PTP4A3: variants seen among roughly 807,000 people sequenced by gnomAD.
PTP4A3 encodes the protein protein tyrosine phosphatase 4A3.
A neutral mutation model predicts 15.2 loss-of-function variants in PTP4A3; 9 were observed. The ratio of observed to expected loss-of-function variants is 0.59; its 90% CI spans 0.36 to 1.03. PTP4A3 has a LOEUF of 1.03. Ranked by LOEUF, PTP4A3 falls within the 50% of genes least tolerant of loss-of-function variation. PTP4A3 has a pLI of 0.02. For synonymous variants in PTP4A3, 95 were observed against 102.0 expected (o/e 0.93, Z 0.41); for missense variants, 234 against 252.1 (o/e 0.93, Z 0.49).
rs754545769 is a variant in PTP4A3, at chr8:141,425,135, G to A, written c.193G>A (p.Val65Ile). The A allele has an allele frequency of 5.1e-6, 8 of 1,568,638 alleles. No homozygotes were observed. Among genetic ancestry groups the A allele is most frequent in the Admixed American group, 1.7e-5 (1 of 58,544 alleles). ...KTPLEKDGIT[V>I]VDWPFDDGAP... ...GCCGCTGGAGAAGGATGGCATCACC[G>A]TTGTGGTGAGGCGCGCGCCACGGGG... The change falls in exon 3 of 6, where the codon GTT (valine) becomes ATT (isoleucine). Residue 65 changes from valine to isoleucine, a missense_variant. By Grantham distance (29) the Val-to-Ile change is conservative (BLOSUM62 3). Coordinates refer to ENST00000521578, the MANE Select transcript of PTP4A3 (RefSeq NM_032611.3). The surrounding 1 kb of genome is among the most constrained non-coding windows in gnomAD (Gnocchi z 4.2).
chr8:141,431,160 C>T lies in PTP4A3; in HGVS notation c.*116C>T, dbSNP rs1833857252. ...CAGGGGCTCCAGGCCTTGGCTGGCC[C>T]CACATCGCCTTTTCCTCCCCGACAC... On this transcript the variant is annotated 3_prime_UTR_variant, in exon 6 of 6. Coordinates refer to ENST00000521578, the MANE Select transcript of PTP4A3 (RefSeq NM_032611.3). 2 of 977,540 alleles carry T rather than the reference C, an allele frequency of 2.0e-6. No individual in the cohort carries two copies. Among genetic ancestry groups the T allele is most frequent in the African/African-American group, 1.6e-5 (1 of 60,892 alleles). The allele number at this position is 977,540 out of a possible 1,614,324, so 60.6% of individuals were successfully genotyped here. A position where few individuals can be genotyped will look rare whatever the true frequency, so the allele number is the denominator to read the frequency against.
chr8:141,418,338 C>T (rs1346633421), intron 1 of PTP4A3, among the ~76,000 whole-genome samples: 2 of 152,210 alleles, frequency 1.3e-5, no homozygotes, highest in Non-Finnish European at 2.9e-5. Flanking sequence ...GCTGTGCCAT[C>T]GGGAAGGAGG....
chr8:141,422,596 A>G (rs1273365956), intron 2 of PTP4A3, among the ~76,000 whole-genome samples: 1 of 151,828 alleles, frequency 6.6e-6, no homozygotes. Flanking sequence ...CTGGCGTGTG[A>G]TAGGAGGGAC....
intron 1 of PTP4A3, among the ~76,000 whole-genome samples, chr8:141,400,086 A>G (rs903000081): frequency 6.6e-6 from 1 of 152,110 alleles, no homozygotes; most frequent in African/African-American, 2.4e-5. Flanking sequence ...TTTTGTAGAG[A>G]TGGCATTTCA....
chr8:141,411,916 C>A (rs1227593207), intron 1 of PTP4A3, among the ~76,000 whole-genome samples: 1 of 152,226 alleles, frequency 6.6e-6, no homozygotes, highest in Non-Finnish European at 1.5e-5. Flanking sequence ...GTCTCAGCCT[C>A]TCAGAGCTCT....
At chr8:141,403,387 C>T (rs1320320061) in intron 1 of PTP4A3, among the ~76,000 whole-genome samples, 1 of 152,208 alleles carries the variant, frequency 6.6e-6, no homozygotes, top group Non-Finnish European at 1.5e-5. Flanking sequence ...GGGAGATGGC[C>T]TGGCTGGGCC....
At chr8:141,405,844 T>C (rs1424527251) in intron 1 of PTP4A3, among the ~76,000 whole-genome samples, 2 of 151,606 alleles carry the variant, frequency 1.3e-5, no homozygotes, top group Non-Finnish European at 2.9e-5. Flanking sequence ...CACCGGACGA[T>C]GTGGGGACAG....
At position 141,430,914 on chromosome 8, in the gene PTP4A3, C is replaced by T. The variant is rs746320654; in HGVS notation, c.405-13C>T. The T allele has an allele frequency of 1.1e-5, 18 of 1,611,334 alleles. No homozygotes were observed. The South Asian group carries it at 1.9e-4, about 17-fold the overall frequency. The stretch of plus-strand genomic sequence containing the variant: ...TCCTTGGATGATCTCTGTTCCTGTT[C>T]CCCTCTTCCCAGGAAGCGCCGCGGA... On this transcript the variant is annotated splice_polypyrimidine_tract_variant and intron_variant, in intron 5 of 5. Coordinates refer to ENST00000521578, the MANE Select transcript of PTP4A3 (RefSeq NM_032611.3).
intron 1 of PTP4A3, among the ~76,000 whole-genome samples, chr8:141,405,421 A>C (rs1832697631): frequency 6.6e-6 from 1 of 152,110 alleles, no homozygotes; most frequent in Non-Finnish European, 1.5e-5. Context: ...CCCCAAGACC[A>C]CCCAAGCAGT....
At position 141,431,283 on chromosome 8, in the gene PTP4A3, G is replaced by C; in HGVS notation, c.*239G>C. On this transcript the variant is annotated 3_prime_UTR_variant, in exon 6 of 6. Transcript: ENST00000521578. ...TCCGCCACTCCCTCTGGCGGCGCTG[G>C]CCGTGGCTCTGTCTCTCTGAGGTGG... The C allele has an allele frequency of 1.8e-6, 1 of 560,184 alleles. No homozygotes were observed. Among genetic ancestry groups the C allele is most frequent in the East Asian group, 3.0e-5 (1 of 33,264 alleles). 34.7% of individuals were successfully genotyped at this position (560,184 alleles called of 1,614,324 possible). A position where few individuals can be genotyped will look rare whatever the true frequency, so the allele number is the denominator to read the frequency against.
intron 1 of PTP4A3, among the ~76,000 whole-genome samples, chr8:141,399,898 A>T (rs1184653912): frequency 6.6e-6 from 1 of 152,168 alleles, no homozygotes; most frequent in East Asian, 1.9e-4. Flanking sequence ...AACGCTTCAA[A>T]CATGTAGTTA....
chr8:141,420,695 G>A (rs968210925), intron 1 of PTP4A3, among the ~76,000 whole-genome samples: 2 of 152,224 alleles, frequency 1.3e-5, no homozygotes, highest in Non-Finnish European at 1.5e-5. Flanking sequence ...GTTTATCCCC[G>A]AGCCTGGCTG....
chr8:141,415,611 C>T (rs1279358630), intron 1 of PTP4A3, among the ~76,000 whole-genome samples: 1 of 66,404 alleles, frequency 1.5e-5, no homozygotes, highest in Non-Finnish European at 3.3e-5. Flanking sequence ...GCCCTTTTGA[C>T]GTGCGCGGAG....
At chr8:141,401,900 C>T (rs1832600742) in intron 1 of PTP4A3, among the ~76,000 whole-genome samples, 1 of 152,202 alleles carries the variant, frequency 6.6e-6, no homozygotes, top group Non-Finnish European at 1.5e-5. Flanking sequence ...CCCAGCAGGG[C>T]CCAGTCCCAT....
At chr8:141,394,823 G>T (rs1479796599) in intron 1 of PTP4A3, among the ~76,000 whole-genome samples, 1 of 152,268 alleles carries the variant, frequency 6.6e-6, no homozygotes, top group Admixed American at 6.5e-5. Flanking sequence ...GGTGGGAGTG[G>T]CTGTGGGCTG....
rs758529093 is a variant in PTP4A3 at position 141,421,621 on chromosome 8, A to G, written c.-620A>G. On this transcript the variant is annotated 5_prime_UTR_variant, in exon 2 of 6. Transcript: ENST00000521578. ...CCGTACCCCGATGGGGTAACGTGAC[A>G]CAGGCCCCACACGTCAGAGGCCGCT... The G allele has an allele frequency of 2.0e-5, 3 of 152,634 alleles. No individual in the cohort carries two copies. The highest frequency in any genetic ancestry group is 4.8e-5 in the African/African-American group (2 of 41,464). The allele number at this position is 152,634 out of a possible 1,614,324, so 9.5% of individuals were successfully genotyped here. A position where few individuals can be genotyped will look rare whatever the true frequency, so the allele number is the denominator to read the frequency against.
chr8:141,410,919 C>T (rs371077264), intron 1 of PTP4A3, among the ~76,000 whole-genome samples: 2 of 152,114 alleles, frequency 1.3e-5, no homozygotes, highest in South Asian at 2.1e-4. Context: ...AGCTTTGAGC[C>T]GGGGTCACTG....
rs1464203230 is a variant in PTP4A3, at chr8:141,425,814, T to C, written c.198+674T>C. On this transcript the variant is annotated intron_variant, in intron 3 of 5. Transcript: ENST00000521578. This position sits in a 1 kb window ranked among gnomAD's most constrained non-coding sequence, Gnocchi z 4.2. The stretch of plus-strand genomic sequence containing the variant: ...CTGCTTTTGGCTGGGGTTGCAGTTT[T>C]GTGACCTCAGCTTGGCGGTTTGGAA... Among the ~76,000 whole-genome samples the C allele has an allele frequency of 2.0e-5, 3 of 152,196 alleles. No individual in the cohort carries two copies. Among genetic ancestry groups the C allele is most frequent in the Non-Finnish European group, 4.4e-5 (3 of 68,018 alleles).
Position 141,425,186 on chromosome 8 carries a change from GAGGGTGGGGC to G in PTP4A3, c.198+47_198+56del. The G allele has an allele frequency of 2.8e-6, 4 of 1,438,500 alleles. No individual in the cohort carries two copies. Among genetic ancestry groups the G allele is most frequent in the Non-Finnish European group, 2.9e-6 (3 of 1,028,380 alleles). The allele number at this position is 1,438,500 out of a possible 1,614,324, so 89.1% of individuals were successfully genotyped here. On this transcript the variant is annotated intron_variant, in intron 3 of 5. Transcript: ENST00000521578. The surrounding 1 kb of genome is among the most constrained non-coding windows in gnomAD (Gnocchi z 4.2). ...ACCCTAGTCACTGCTGCCACCGGGG[GAGGGTGGGGC>G]GGGGGGCTCCGGGCCTGCGCAGAGG...
Sources: gnomAD v4.1 joint callset for allele counts (sites outside exome capture counted in the v4.1 genomes callset) on GRCh38, gnomAD v4.1.1 for gene constraint, Gnocchi (gnomAD v3.1) non-coding constraint, MANE v1.5 for transcripts, NCBI Gene and HGNC (gene_info 2026-07-23, HGNC 2026-07-21) for gene names.